The following TTC21B variants were observed in gnomAD, a reference collection of about 807,000 sequenced individuals.
The protein encoded by TTC21B is tetratricopeptide repeat protein 21B.
A neutral mutation model predicts 175.1 loss-of-function variants in TTC21B; 127 were observed. The ratio of observed to expected loss-of-function variants is 0.73; its 90% confidence interval spans 0.63 to 0.84. The LOEUF is 0.84. Ranked by LOEUF, TTC21B falls within the 40% of genes least tolerant of loss-of-function variation. The pLI is 0.00. For synonymous variants in TTC21B, 524 were observed against 524.5 expected (o/e 1.00, Z 0.01); for missense variants, 1,561 against 1,558.3 (o/e 1.00, Z -0.03).
At chr2:165,900,172 C>T (rs149676029) in intron 20 of TTC21B, among the ~76,000 whole-genome samples, 299 of 152,018 alleles carry the variant, frequency 2.0e-3, no homozygotes, top group African/African-American at 7.1e-3. Flanking sequence ...GATTATAGTC[C>T]CATAACGGGG....
intron 16 of TTC21B, 130 bp from the exon 17 acceptor site, chr2:165,912,754 G>A: frequency 1.3e-6 from 1 of 760,578 alleles, no homozygotes; most frequent in Non-Finnish European, 2.3e-6. Context: ...TTAAAGCACA[G>A]GAACTTTAAC....
chr2:165,900,532 A>C (rs1163937274), intron 20 of TTC21B, among the ~76,000 whole-genome samples: 1 of 152,168 alleles, frequency 6.6e-6, no homozygotes, highest in Non-Finnish European at 1.5e-5. Flanking sequence ...TTTTTATATA[A>C]TCAGTCATGT....
chr2:165,924,299 CT>C lies in TTC21B; in HGVS notation c.1516+249del, dbSNP rs34349837. Among the ~76,000 whole-genome samples the C allele has an allele frequency of 3.3e-5, 5 of 151,990 alleles. No individual in the cohort carries two copies. In the South Asian group the frequency reaches 8.3e-4, roughly 25 times the overall value. The stretch of plus-strand genomic sequence containing the variant: ...CTAGTCTCCAGTAATTTCTGACAGA[CT>C]TTTTTTTAAAGTGGTATAACTGCAT... On this transcript the variant is annotated intron_variant, in intron 12 of 28. Transcript: ENST00000243344.
Position 165,874,436 on chromosome 2 carries a change from T to C in TTC21B, c.*319A>G. On this transcript the variant is annotated 3_prime_UTR_variant, in exon 29 of 29. Transcript: ENST00000243344. ...ATATATTTCCTGAAATAATATTCCT[T>C]AGAAAAGATACAGGGTATTTAATTA... 1 of 197,204 alleles carries C rather than the reference T, an allele frequency of 5.1e-6. No homozygotes were observed. Among genetic ancestry groups the C allele is most frequent in the Admixed American group, 5.4e-5 (1 of 18,490 alleles). 12.2% of individuals were successfully genotyped at this position (197,204 alleles called of 1,614,324 possible). A position where few individuals can be genotyped will look rare whatever the true frequency, so the allele number is the denominator to read the frequency against.
chr2:165,879,373 A>AT (rs1391874104), intron 27 of TTC21B, among the ~76,000 whole-genome samples: 3 of 152,254 alleles, frequency 2.0e-5, no homozygotes, highest in Admixed American at 6.5e-5. Flanking sequence ...ACACCTTAGA[A>AT]TAAAAAATAC....
At position 165,876,571 on chromosome 2, in the gene TTC21B, A is replaced by T. The variant is rs183730611; in HGVS notation, c.3806-339T>A. On this transcript the variant is annotated intron_variant, in intron 27 of 28. Transcript: ENST00000243344. ...AAAACTCATCATAGGGCAGTAAATG[A>T]CAACACAGCCATTCATTTATACAGT... Among the ~76,000 whole-genome samples, 373 of 152,340 alleles carry T rather than the reference A, an allele frequency of 2.4e-3. 3 individuals carry two copies. The highest frequency in any genetic ancestry group is 4.8e-3 in the Non-Finnish European group (324 of 68,018).
intron 18 of TTC21B, among the ~76,000 whole-genome samples, chr2:165,908,929 A>G (rs908586587): frequency 2.6e-5 from 4 of 152,158 alleles, no homozygotes; most frequent in Admixed American, 6.5e-5. Context: ...CAATAAATAC[A>G]TTTATAATTA....
At chr2:165,888,243 G>C in intron 25 of TTC21B, 36 bp downstream of exon 25, 1 of 1,441,370 alleles carries the variant, frequency 6.9e-7, no homozygotes, top group Non-Finnish European at 9.8e-7. Flanking sequence ...ACCAAATAAA[G>C]ATACCACATG....
At chr2:165,897,672 G>A (rs1227175393) in intron 22 of TTC21B, among the ~76,000 whole-genome samples, 2 of 152,116 alleles carry the variant, frequency 1.3e-5, no homozygotes, top group Non-Finnish European at 2.9e-5. Context: ...ATAAAGCCAC[G>A]CACCTGGACA....
intron 12 of TTC21B, among the ~76,000 whole-genome samples, chr2:165,922,812 T>C (rs1462563088): frequency 6.6e-6 from 1 of 152,086 alleles, no homozygotes; most frequent in Non-Finnish European, 1.5e-5. Context: ...AATTCATAAT[T>C]GCAAAGACAT....
rs374240595 is a variant in TTC21B at position 165,883,861 on chromosome 2, A to G, written c.3617T>C (p.Ile1206Thr). Residue 1206 changes from isoleucine (I) to threonine (T), a missense_variant, in exon 26 of 29, where the codon ATT becomes ACT. Ile to Thr is a moderately conservative substitution (Grantham distance 89). Coordinates refer to ENST00000243344, the MANE Select transcript of TTC21B (RefSeq NM_024753.5). ...FEKSWLLLAD[I>T]YIQSAKYDMA... ...GTCATATTTTGCTGATTGAATGTAA[A>G]TATCAGCAAGTAGCAGCCAACTCTT... The G allele has an allele frequency of 7.0e-5, 113 of 1,614,006 alleles. No homozygotes were observed. The highest frequency in any genetic ancestry group is 1.6e-4 in the Middle Eastern group (1 of 6,084).
At chr2:165,928,062 T>C (rs1399348651) in intron 11 of TTC21B, among the ~76,000 whole-genome samples, 1 of 152,174 alleles carries the variant, frequency 6.6e-6, no homozygotes, top group Non-Finnish European at 1.5e-5. Flanking sequence ...GAAAGAAATC[T>C]CTGGTAGTAC....
At chr2:165,878,450 T>C (rs1684738527) in intron 27 of TTC21B, among the ~76,000 whole-genome samples, 1 of 152,138 alleles carries the variant, frequency 6.6e-6, no homozygotes, top group South Asian at 2.1e-4. Flanking sequence ...CTTCTCTCAT[T>C]GGATCTCAGT....
intron 19 of TTC21B, 150 bp downstream of exon 19, chr2:165,907,528 T>C: frequency 1.6e-6 from 1 of 642,522 alleles, no homozygotes; most frequent in South Asian, 1.7e-5. Context: ...TTAAAATGTA[T>C]AATTCATAAG....
intron 11 of TTC21B, among the ~76,000 whole-genome samples, chr2:165,927,300 AT>A (rs1488632016): frequency 2.7e-4 from 29 of 105,462 alleles, no homozygotes; most frequent in African/African-American, 1.0e-3. Flanking sequence ...GTAGTTATAT[AT>A]ATATATTATA....
intron 25 of TTC21B, 53 bp from the exon 26 acceptor site, chr2:165,884,071 A>G (rs912542560): frequency 5.0e-6 from 7 of 1,408,362 alleles, no homozygotes; most frequent in African/African-American, 4.2e-5. Context: ...AAATGCCCCA[A>G]AAACATACAG....
At chr2:165,932,898 T>C in intron 7 of TTC21B, 75 bp downstream of exon 7, 1 of 1,277,494 alleles carries the variant, frequency 7.8e-7, no homozygotes, top group Non-Finnish European at 1.1e-6. Context: ...TATATGCACA[T>C]GCACACATGG....
chr2:165,912,662 T>C (rs1270782436), intron 16 of TTC21B, 38 bp from the exon 17 acceptor site: 3 of 1,498,588 alleles, frequency 2.0e-6, no homozygotes, highest in African/African-American at 1.4e-5. Flanking sequence ...CAATAAAAAA[T>C]AGCATAACTG....
At chr2:165,936,616 T>C (rs375781356) in intron 6 of TTC21B, among the ~76,000 whole-genome samples, 1 of 151,800 alleles carries the variant, frequency 6.6e-6, no homozygotes, top group Non-Finnish European at 1.5e-5. Context: ...ATCAATCAAT[T>C]AAAAGATGGG....
Sources: allele counts gnomAD v4.1 joint callset (sites outside exome capture counted in the v4.1 genomes callset), GRCh38; gene constraint gnomAD v4.1.1; transcripts MANE v1.5; gene names NCBI Gene and HGNC (gene_info 2026-07-23, HGNC 2026-07-21).